NACC1: variants seen among roughly 807,000 people sequenced by gnomAD.
NACC1 encodes nucleus accumbens associated 1, also known as nucleus accumbens-associated protein 1.
A neutral mutation model predicts 41.7 loss-of-function variants in NACC1; 6 were observed. The observed-to-expected ratio is 0.14, with a 90% CI of 0.08 to 0.28. NACC1 has a LOEUF of 0.28. Among genes scored for constraint, NACC1 ranks in the 10% least tolerant of loss-of-function variants. NACC1 has a pLI of 1.00. For synonymous variants in NACC1, 338 were observed against 330.6 expected, an observed-to-expected ratio of 1.02 and a Z score of -0.24; for missense variants, 434 against 763.7, an observed-to-expected ratio of 0.57 and a Z score of 5.09.
At chr19:13,128,770 G>T (rs1568383742) in intron 1 of NACC1, among the ~76,000 whole-genome samples, 1 of 152,264 alleles carries the variant, frequency 6.6e-6, no homozygotes, top group Non-Finnish European at 1.5e-5. Context: ...GCCTGCCCAG[G>T]CAGGGACCTG....
intron 1 of NACC1, among the ~76,000 whole-genome samples, chr19:13,124,232 T>C (rs2019534885): frequency 6.6e-6 from 1 of 151,936 alleles, no homozygotes; most frequent in Admixed American, 6.6e-5. Context: ...AAACCCAGTC[T>C]CTACTAAAAA....
At chr19:13,130,496 T>G (rs979774666) in intron 1 of NACC1, among the ~76,000 whole-genome samples, 2 of 152,134 alleles carry the variant, frequency 1.3e-5, no homozygotes, top group Non-Finnish European at 2.9e-5. Context: ...GACAGTGCCC[T>G]TGGAGGGGTT....
chr19:13,129,270 C>T (rs548649537), intron 1 of NACC1, among the ~76,000 whole-genome samples: 2 of 152,236 alleles, frequency 1.3e-5, no homozygotes. Context: ...CCTCAATCCT[C>T]GACTCCATCC....
intron 1 of NACC1, among the ~76,000 whole-genome samples, chr19:13,126,512 A>T (rs1390560624): frequency 6.6e-6 from 1 of 152,166 alleles, no homozygotes; most frequent in African/African-American, 2.4e-5. Context: ...TCACAGGCCC[A>T]TGCTGGCTGG....
chr19:13,125,994 CCCAAAGTGCTGAGATTACAGG>C (rs1395945454), intron 1 of NACC1, among the ~76,000 whole-genome samples: 6 of 151,880 alleles, frequency 4.0e-5, no homozygotes, highest in Admixed American at 3.9e-4. Context: ...ACCTCGGCCT[CCCAAAGTGCTGAGATTACAGG>C]CGTGAACCAC....
intron 1 of NACC1, among the ~76,000 whole-genome samples, chr19:13,130,382 T>G (rs1240787121): frequency 6.6e-6 from 1 of 151,414 alleles, no homozygotes; most frequent in Non-Finnish European, 1.5e-5. Flanking sequence ...CCAGCCTCTC[T>G]GCACTGTTCT....
At chr19:13,134,452 CCT>C (rs2019673758) in intron 1 of NACC1, among the ~76,000 whole-genome samples, 1 of 151,838 alleles carries the variant, frequency 6.6e-6, no homozygotes, top group South Asian at 2.1e-4. Flanking sequence ...CTCACTGCAA[CCT>C]CTGTCTCCTG....
At position 13,127,201 on chromosome 19, in the gene NACC1, G is replaced by A. The variant is rs78839164; in HGVS notation, c.-8-7999G>A. Among the ~76,000 whole-genome samples, 343 of 151,478 alleles carry A rather than the reference G, an allele frequency of 2.3e-3. 8 individuals carry two copies. In the East Asian group the frequency reaches 0.052, roughly 23 times the overall value. On this transcript the variant is annotated intron_variant, in intron 1 of 5. Transcript: ENST00000292431. The stretch of plus-strand genomic sequence containing the variant: ...AGAATCAAGCCAGGGAGTTAGTGTC[G>A]GGAAGGGCTTTGTTGGTCAGACGCA...
chr19:13,137,571 C>G lies in NACC1; in HGVS notation c.1320C>G (p.Val440=). Residue 440 remains valine, a synonymous_variant, in exon 5 of 6, where the codon GTC becomes GTG. Transcript: ENST00000292431. This position sits in a 1 kb window ranked among gnomAD's most constrained non-coding sequence, Gnocchi z 6.1. ...KPLDSRVLHA[V]KYYCQNFAPN... is the part of the protein sequence containing the mutation. ...TGGACAGCCGCGTGCTCCACGCTGTCAAGTGTGAGTGTTGGCCCAGCTGGA... is the reference window on the plus strand; with the variant it reads ...TGGACAGCCGCGTGCTCCACGCTGTGAAGTGTGAGTGTTGGCCCAGCTGGA... 2 of 1,552,900 alleles carry G rather than the reference C, an allele frequency of 1.3e-6. No homozygotes were observed. Among genetic ancestry groups the G allele is most frequent in the South Asian group, 1.2e-5 (1 of 84,350 alleles).
chr19:13,121,033 C>T (rs1331295922), intron 1 of NACC1, among the ~76,000 whole-genome samples: 1 of 152,194 alleles, frequency 6.6e-6, no homozygotes, highest in Non-Finnish European at 1.5e-5. Flanking sequence ...ACCAAACTTT[C>T]ACAAGCAAAG....
chr19:13,123,601 ACCCCAGACCCTGAGGTGGAGGT>A (rs2019526727), intron 1 of NACC1, among the ~76,000 whole-genome samples: 3 of 152,076 alleles, frequency 2.0e-5, no homozygotes. Context: ...GAGAGAGGGC[ACCCCAGACCCTGAGGTGGAGGT>A]CCTCAGACAG....
rs982985356 is a variant in NACC1, at chr19:13,138,705, C to G, written c.*299C>G. ...TCATCTCCACACTCACCAGGCCCAC[C>G]AGGGGAGGGGGCTGGCCTGGGGGTC... On this transcript the variant is annotated 3_prime_UTR_variant, in exon 6 of 6. Transcript: ENST00000292431. The surrounding 1 kb of genome is among the most constrained non-coding windows in gnomAD (Gnocchi z 5.7). 6 of 427,128 alleles carry G rather than the reference C, an allele frequency of 1.4e-5. No individual in the cohort carries two copies. Among genetic ancestry groups the G allele is most frequent in the Non-Finnish European group, 2.6e-5 (6 of 230,490 alleles). The allele number at this position is 427,128 out of a possible 1,614,324, so 26.5% of individuals were successfully genotyped here. A position where few individuals can be genotyped will look rare whatever the true frequency, so the allele number is the denominator to read the frequency against.
chr19:13,134,117 G>A (rs1425399514), intron 1 of NACC1, among the ~76,000 whole-genome samples: 3 of 151,970 alleles, frequency 2.0e-5, no homozygotes, highest in Non-Finnish European at 1.5e-5. Context: ...GTATAGTGGC[G>A]CAATCACAGC....
At chr19:13,123,631 C>A (rs1237819824) in intron 1 of NACC1, among the ~76,000 whole-genome samples, 1 of 152,182 alleles carries the variant, frequency 6.6e-6, no homozygotes, top group Non-Finnish European at 1.5e-5. Flanking sequence ...GGTCCTCAGA[C>A]AGGCAGAAGA....
At chr19:13,127,993 G>T (rs1167255410) in intron 1 of NACC1, among the ~76,000 whole-genome samples, 1 of 152,208 alleles carries the variant, frequency 6.6e-6, no homozygotes, top group Non-Finnish European at 1.5e-5. Flanking sequence ...GGCCCAGGCA[G>T]TGTCACTTGG....
At chr19:13,135,068 G>A in intron 1 of NACC1, 132 bp from the exon 2 acceptor site, 1 of 1,414,360 alleles carries the variant, frequency 7.1e-7, no homozygotes, top group Non-Finnish European at 9.3e-7. Context: ...TAGCACCATG[G>A]TAGATTCCAT....
intron 1 of NACC1, among the ~76,000 whole-genome samples, chr19:13,134,565 T>G (rs1180228535): frequency 6.6e-6 from 1 of 151,998 alleles, no homozygotes. Context: ...GACAGGGTTT[T>G]GCCACGTTGG....
Position 13,135,765 on chromosome 19 carries a change from G to T in NACC1, c.558G>T (p.Trp186Cys). The T allele has an allele frequency of 6.4e-7, 1 of 1,560,600 alleles. No individual in the cohort carries two copies. Among genetic ancestry groups the T allele is most frequent in the Non-Finnish European group, 8.7e-7 (1 of 1,154,004 alleles). ...VQCMPVAKRL[W>C]DSGQKEAGGG... The stretch of plus-strand genomic sequence containing the variant: ...GCATGCCCGTGGCCAAGCGGCTGTG[G>T]GACAGTGGCCAGAAGGAGGCTGGGG... The change falls in exon 2 of 6, where the codon TGG becomes TGT. Residue 186 changes from tryptophan (W) to cysteine (C), a missense_variant. Physicochemically the swap from Trp to Cys is radical, Grantham distance 215. Around this residue, in one of 4 missense-constraint regions of NACC1, gnomAD observed 234 missense variants for 308.3 expected, o/e 0.76. Coordinates refer to ENST00000292431, the MANE Select transcript of NACC1 (RefSeq NM_052876.4).
chr19:13,135,154 C>A, intron 1 of NACC1, 46 bp from the exon 2 acceptor site: 1 of 1,491,228 alleles, frequency 6.7e-7, no homozygotes. Flanking sequence ...CGCCTGACCC[C>A]GTCCCTCCGT....
Sources: gnomAD v4.1 joint callset for allele counts (sites outside exome capture counted in the v4.1 genomes callset) on GRCh38, gnomAD v4.1.1 for gene constraint, gnomAD v4.1.1 regional missense constraint, Gnocchi (gnomAD v3.1) non-coding constraint, MANE v1.5 for transcripts, NCBI Gene and HGNC (gene_info 2026-07-23, HGNC 2026-07-21) for gene names.